GAD2: variants seen among roughly 807,000 people sequenced by gnomAD.
GAD2 encodes the protein glutamate decarboxylase 2.
GAD2 carries 22 observed loss-of-function variants against 80.1 expected under a neutral mutation model. The ratio of observed to expected loss-of-function variants is 0.27; its 90% CI spans 0.20 to 0.39. The LOEUF (loss-of-function observed/expected upper bound fraction) is 0.39, where lower values mean the gene tolerates loss of function less well. GAD2 is among the 10% of genes least tolerant of loss of function. The pLI is 1.00. For synonymous variants in GAD2, 274 were observed against 256.9 expected (o/e 1.07, Z -0.64); for missense variants, 624 against 738.4 (o/e 0.85, Z 1.80).
Position 26,281,234 on chromosome 10 carries a change from C to T in GAD2, c.1236+147C>T, listed in dbSNP as rs889542767. The T allele has an allele frequency of 2.2e-5, 12 of 556,180 alleles. No homozygotes were observed. In the African/African-American group the frequency reaches 2.3e-4, roughly 11 times the overall value. The allele number at this position is 556,180 out of a possible 1,614,324, so 34.5% of individuals were successfully genotyped here. On this transcript the variant is annotated intron_variant, in intron 12 of 15. Transcript: ENST00000376261. ...CAGAGAGCCCTTTCTAGATTCCTGTCTGCAGGGTGAAGGTCTGGTGCCTAA... is the reference window on the plus strand; with the variant it reads ...CAGAGAGCCCTTTCTAGATTCCTGTTTGCAGGGTGAAGGTCTGGTGCCTAA...
chr10:26,277,910 G>C (rs1312592961), intron 11 of GAD2, among the ~76,000 whole-genome samples: 2 of 152,082 alleles, frequency 1.3e-5, no homozygotes, highest in African/African-American at 4.8e-5. Flanking sequence ...GCGGGATTCA[G>C]TTCTCTCCAA....
At chr10:26,275,611 C>T (rs566377554) in intron 11 of GAD2, among the ~76,000 whole-genome samples, 1 of 152,332 alleles carries the variant, frequency 6.6e-6, no homozygotes, top group South Asian at 2.1e-4. Flanking sequence ...GGATACCCCT[C>T]TCTCACTGAC....
chr10:26,280,805 C>T (rs1246879539), intron 11 of GAD2, among the ~76,000 whole-genome samples: 1 of 152,138 alleles, frequency 6.6e-6, no homozygotes, highest in Non-Finnish European at 1.5e-5. Context: ...AAAGGCCAGA[C>T]TTCACCACTA....
At chr10:26,288,409 G>A (rs1265604811) in intron 13 of GAD2, among the ~76,000 whole-genome samples, 1 of 152,190 alleles carries the variant, frequency 6.6e-6, no homozygotes, top group Admixed American at 6.5e-5. Flanking sequence ...ATGGTGGGGT[G>A]ACGGGCCCCC....
chr10:26,295,225 C>T (rs916625191), intron 15 of GAD2, among the ~76,000 whole-genome samples: 11 of 152,026 alleles, frequency 7.2e-5, no homozygotes, highest in African/African-American at 2.7e-4. Flanking sequence ...CTGGAGATGG[C>T]AATTAGAATA....
At chr10:26,245,418 T>C (rs1417664063) in intron 7 of GAD2, among the ~76,000 whole-genome samples, 2 of 149,746 alleles carry the variant, frequency 1.3e-5, no homozygotes, top group Non-Finnish European at 2.9e-5. Flanking sequence ...TAAGATGGCA[T>C]TTAAGTTATG....
At chr10:26,234,888 T>C (rs1844652111) in intron 7 of GAD2, among the ~76,000 whole-genome samples, 1 of 152,316 alleles carries the variant, frequency 6.6e-6, no homozygotes. Context: ...TTCTTTTTTT[T>C]TTGAGATGGA....
chr10:26,261,374 C>T (rs1413993946), intron 8 of GAD2, among the ~76,000 whole-genome samples: 1 of 152,128 alleles, frequency 6.6e-6, no homozygotes, highest in Non-Finnish European at 1.5e-5. Context: ...TTTTCTTCTT[C>T]CTTCCCTCCT....
intron 15 of GAD2, among the ~76,000 whole-genome samples, chr10:26,297,379 C>T (rs1186520393): frequency 6.6e-6 from 1 of 152,164 alleles, no homozygotes; most frequent in East Asian, 1.9e-4. Context: ...TAATGCTTTA[C>T]TATGCACCCT....
At chr10:26,300,398 G>T (rs1834316403) in intron 15 of GAD2, among the ~76,000 whole-genome samples, 1 of 152,078 alleles carries the variant, frequency 6.6e-6, no homozygotes, top group Non-Finnish European at 1.5e-5. Flanking sequence ...TTACATTTTG[G>T]TAACAATCCT....
intron 15 of GAD2, among the ~76,000 whole-genome samples, chr10:26,293,193 T>TTTTTTTTTC (rs869296197): frequency 7.3e-6 from 1 of 137,312 alleles, no homozygotes; most frequent in African/African-American, 2.8e-5. Context: ...TTTTTTTTTT[T>TTTTTTTTTC]TTGAGATGGA....
At chr10:26,229,902 G>A in intron 7 of GAD2, 125 bp downstream of exon 7, 1 of 683,230 alleles carries the variant, frequency 1.5e-6, no homozygotes, top group Non-Finnish European at 2.5e-6. Context: ...GGAGGGAATG[G>A]GGGAGAAAGC....
intron 8 of GAD2, among the ~76,000 whole-genome samples, chr10:26,252,981 CA>C (rs1439433595): frequency 6.6e-6 from 1 of 152,044 alleles, no homozygotes; most frequent in Non-Finnish European, 1.5e-5. Flanking sequence ...TTAGCAGTCA[CA>C]GGGGCTAACT....
At chr10:26,232,719 T>C (rs1205654126) in intron 7 of GAD2, among the ~76,000 whole-genome samples, 2 of 152,138 alleles carry the variant, frequency 1.3e-5, no homozygotes, top group African/African-American at 4.8e-5. Context: ...GCCACGCTGG[T>C]CTTAAACTTC....
intron 8 of GAD2, among the ~76,000 whole-genome samples, chr10:26,248,588 G>A (rs1844838978): frequency 6.6e-6 from 1 of 152,180 alleles, no homozygotes; most frequent in Admixed American, 6.5e-5. Context: ...GAAGCTGATC[G>A]TTTACTTCTC....
At chr10:26,229,843 G>C (rs1310905773) in intron 7 of GAD2, 66 bp downstream of exon 7, 11 of 1,173,898 alleles carry the variant, frequency 9.4e-6, no homozygotes, top group Non-Finnish European at 1.3e-5. Context: ...AAGGAGTGAT[G>C]GCTGGAAATG....
chr10:26,230,918 T>A (rs1306088539), intron 7 of GAD2, among the ~76,000 whole-genome samples: 2 of 151,990 alleles, frequency 1.3e-5, no homozygotes, highest in Non-Finnish European at 2.9e-5. Context: ...TGAAACCTCA[T>A]CTCTACTAAA....
chr10:26,224,847 A>G, intron 6 of GAD2, 196 bp downstream of exon 6: 2 of 549,896 alleles, frequency 3.6e-6, no homozygotes, highest in Non-Finnish European at 6.4e-6. Flanking sequence ...ATGCTTGAAC[A>G]TCAGTTATTT....
intron 8 of GAD2, among the ~76,000 whole-genome samples, chr10:26,262,391 G>T (rs762816567): frequency 6.7e-6 from 1 of 150,334 alleles, no homozygotes; most frequent in Non-Finnish European, 1.5e-5. Flanking sequence ...TACATAGAAT[G>T]CTTTAAAATA....
Sources: allele counts gnomAD v4.1 joint callset (sites outside exome capture counted in the v4.1 genomes callset), GRCh38; gene constraint gnomAD v4.1.1; transcripts MANE v1.5; gene names NCBI Gene and HGNC (gene_info 2026-07-23, HGNC 2026-07-21).